The following RBFOX2 variants were observed in gnomAD, a reference collection of about 807,000 sequenced individuals.
RBFOX2 encodes the protein RNA binding fox-1 homolog 2.
Under a neutral mutation model 49.1 loss-of-function variants are expected in RBFOX2, and 10 were observed. The ratio of observed to expected loss-of-function variants is 0.20; its 90% CI spans 0.13 to 0.35. The LOEUF (loss-of-function observed/expected upper bound fraction) is 0.35, where lower values mean the gene tolerates loss of function less well. Ranked by LOEUF, RBFOX2 falls within the 10% of genes least tolerant of loss-of-function variation. The probability of loss-of-function intolerance (pLI) is 1.00; values close to 1 mark genes in which losing one functional copy is unlikely to be tolerated. For synonymous variants in RBFOX2, 183 were observed against 187.4 expected (o/e 0.98, Z 0.19); for missense variants, 323 against 486.9 (o/e 0.66, Z 3.17).
chr22:35,889,160 GGAAAA>G (rs1335266683), intron 1 of RBFOX2, among the ~76,000 whole-genome samples: 1 of 151,864 alleles, frequency 6.6e-6, no homozygotes, highest in Non-Finnish European at 1.5e-5. Flanking sequence ...ATCTCAAAAA[GGAAAA>G]GAAAAGAAAA....
chr22:35,832,024 A>G (rs1956899301), intron 1 of RBFOX2, among the ~76,000 whole-genome samples: 1 of 152,310 alleles, frequency 6.6e-6, no homozygotes, highest in Non-Finnish European at 1.5e-5. Context: ...ATATCCCTTC[A>G]TTTTTGAAAT....
intron 1 of RBFOX2, among the ~76,000 whole-genome samples, chr22:36,005,397 T>G (rs1365642612): frequency 6.6e-6 from 1 of 152,214 alleles, no homozygotes; most frequent in Non-Finnish European, 1.5e-5. Context: ...GATTCTTAAT[T>G]CTGCAATTCA....
At chr22:36,018,705 C>G (rs570303861) in intron 1 of RBFOX2, among the ~76,000 whole-genome samples, 3 of 152,326 alleles carry the variant, frequency 2.0e-5, no homozygotes, top group African/African-American at 7.2e-5. Flanking sequence ...CCTCCACCTC[C>G]TGGGTTCAAA....
At chr22:35,904,132 A>G (rs937431610) in intron 1 of RBFOX2, among the ~76,000 whole-genome samples, 2 of 151,640 alleles carry the variant, frequency 1.3e-5, no homozygotes, top group Non-Finnish European at 2.9e-5. Flanking sequence ...TTCCACCTTC[A>G]TTCTTTGCAA....
At position 35,767,324 on chromosome 22, in the gene RBFOX2, T is replaced by C. The variant is rs9622283; in HGVS notation, c.546+933A>G. Among the ~76,000 whole-genome samples, 434 of 152,326 alleles carry C rather than the reference T, an allele frequency of 2.8e-3. 3 individuals are homozygous for C. Among genetic ancestry groups the C allele is most frequent in the African/African-American group, 1.0e-2 (414 of 41,562 alleles). ...TCTTTCTTATTTAATTGTTTTGTAA[T>C]TACATTTTTAAAAGCTTCTTCTCTA... On this transcript the variant is annotated intron_variant, in intron 5 of 11. Coordinates refer to ENST00000405409, the Ensembl canonical transcript of RBFOX2.
chr22:35,746,651 C>T, intron 9 of RBFOX2, 90 bp from the exon 12 acceptor site: 1 of 648,466 alleles, frequency 1.5e-6, no homozygotes. Flanking sequence ...GACGTACACA[C>T]ATGTAGACAC....
rs573538763 is a variant in RBFOX2, at chr22:35,816,634, C to G, written c.28-6630G>C. Among the ~76,000 whole-genome samples, 3 of 152,116 alleles carry G rather than the reference C, an allele frequency of 2.0e-5. No homozygotes were observed. In the East Asian group the frequency reaches 5.8e-4, roughly 29 times the overall value. ...ACCTTCAGGTTGAATTCTAAGAGTT[C>G]GCTTTTCACTTGGTTGTCTGGAACT... On this transcript the variant is annotated intron_variant, in intron 1 of 11. Transcript: ENST00000405409.
chr22:35,987,232 C>G (rs1307968131), intron 1 of RBFOX2, among the ~76,000 whole-genome samples: 1 of 152,144 alleles, frequency 6.6e-6, no homozygotes, highest in Non-Finnish European at 1.5e-5. Flanking sequence ...TGCCACAATA[C>G]TAAAATTGTG....
upstream of RBFOX2, among the ~76,000 whole-genome samples, chr22:35,964,417 G>A (rs1199080963): frequency 7.2e-5 from 11 of 152,002 alleles, no homozygotes; most frequent in Admixed American, 6.5e-4. Flanking sequence ...CTGGACAAAC[G>A]GCAATGATTC....
chr22:35,911,725 T>C (rs2049855749), intron 1 of RBFOX2, among the ~76,000 whole-genome samples: 1 of 152,154 alleles, frequency 6.6e-6, no homozygotes, highest in South Asian at 2.1e-4. Context: ...TATGACTCCA[T>C]CAACAATTTT....
At chr22:35,866,300 AG>A (rs2043670540) in intron 1 of RBFOX2, among the ~76,000 whole-genome samples, 1 of 151,492 alleles carries the variant, frequency 6.6e-6, no homozygotes, top group Admixed American at 6.6e-5. Context: ...AAACACAGAA[AG>A]GCAATTTGGA....
At chr22:35,914,686 T>C (rs1371471489) in intron 1 of RBFOX2, among the ~76,000 whole-genome samples, 2 of 152,208 alleles carry the variant, frequency 1.3e-5, no homozygotes, top group African/African-American at 4.8e-5. Flanking sequence ...GCTGACTCCT[T>C]AGGCACTGAA....
chr22:35,772,152 T>C (rs1239463878), intron 4 of RBFOX2, among the ~76,000 whole-genome samples: 2 of 152,184 alleles, frequency 1.3e-5, no homozygotes. Context: ...ATTTCAGCTA[T>C]GTAAACAGAT....
chr22:35,901,587 TC>T (rs1260800127), intron 1 of RBFOX2, among the ~76,000 whole-genome samples: 6 of 152,240 alleles, frequency 3.9e-5, no homozygotes, highest in Non-Finnish European at 8.8e-5. Context: ...ACTACTGATG[TC>T]ATTCAGAGAA....
chr22:35,959,429 T>C lies in RBFOX2; in HGVS notation c.42+2134A>G, dbSNP rs78791258. Reference sequence around the variant, plus strand: ...TATCTATACACTGGTTTAGCCACACTGTTTCCCTTCCAGCAATGGGAAAAA... The same window carrying C: ...TATCTATACACTGGTTTAGCCACACCGTTTCCCTTCCAGCAATGGGAAAAA... On this transcript the variant is annotated intron_variant, in intron 1 of 5. Coordinates refer to the RBFOX2 transcript ENST00000408983. Among the ~76,000 whole-genome samples the C allele has an allele frequency of 7.4e-3, 1,127 of 152,354 alleles. 12 individuals carry two copies. The highest frequency in any genetic ancestry group is 0.026 in the African/African-American group (1,074 of 41,586).
chr22:35,875,986 T>C (rs554655105), intron 1 of RBFOX2, among the ~76,000 whole-genome samples: 54 of 152,208 alleles, frequency 3.5e-4, no homozygotes, highest in African/African-American at 1.2e-3. Flanking sequence ...GTCAAAGAGG[T>C]AAATCTTAAG....
In RBFOX2 at chr22:35,979,446, G is replaced by A. The variant is rs527497500; in HGVS notation, c.187-40549C>T. 2.1e-4 allele frequency among the ~76,000 whole-genome samples: 32 copies of A among 152,256 alleles called. 1 individual carries two copies. The South Asian group carries it at 3.5e-3, about 17-fold the overall frequency. On this transcript the variant is annotated intron_variant, in intron 1 of 13. Transcript: ENST00000438146. ...CAGTTATATAGGAAAGTCCTATTTC[G>A]GGGAATACACATTGAAGTGTTTGGG...
At chr22:35,970,216 G>A (rs1469411101) in intron 1 of RBFOX2, among the ~76,000 whole-genome samples, 1 of 152,014 alleles carries the variant, frequency 6.6e-6, no homozygotes, top group East Asian at 1.9e-4. Flanking sequence ...CAAATACCCT[G>A]ACACATTATT....
intron 1 of RBFOX2, among the ~76,000 whole-genome samples, chr22:35,951,530 C>A (rs1311316783): frequency 1.3e-5 from 2 of 152,156 alleles, no homozygotes; most frequent in Non-Finnish European, 2.9e-5. Context: ...CAGGCATAAG[C>A]CACTGCGCCT....
Sources: allele counts gnomAD v4.1 joint callset (sites outside exome capture counted in the v4.1 genomes callset), GRCh38; gene constraint gnomAD v4.1.1; transcripts MANE v1.5; gene names NCBI Gene and HGNC (gene_info 2026-07-23, HGNC 2026-07-21).